TRPC4AP: variants seen among roughly 807,000 people sequenced by gnomAD.
The protein encoded by TRPC4AP is short transient receptor potential channel 4-associated protein.
In TRPC4AP, 45 loss-of-function variants were observed where a neutral mutation model predicts 99.0. That is an observed-to-expected ratio of 0.45 (90% confidence interval 0.36 to 0.58). TRPC4AP has a LOEUF of 0.58. Among genes scored for constraint, TRPC4AP ranks in the 20% least tolerant of loss-of-function variants. The pLI is 0.00. For missense variants in TRPC4AP, 879 were observed against 985.3 expected, an observed-to-expected ratio of 0.89 and a Z score of 1.44; for synonymous variants, 408 against 385.8, an observed-to-expected ratio of 1.06 and a Z score of -0.67.
At chr20:35,010,137 A>C in intron 12 of TRPC4AP, 50 bp downstream of exon 12, 21 of 1,488,916 alleles carry the variant, frequency 1.4e-5, no homozygotes, top group Non-Finnish European at 1.8e-5. Flanking sequence ...CCCCCGGGGA[A>C]CGTGGGCAGC....
chr20:35,041,854 T>C (rs1204297722), intron 7 of TRPC4AP, among the ~76,000 whole-genome samples: 1 of 152,218 alleles, frequency 6.6e-6, no homozygotes, highest in Non-Finnish European at 1.5e-5. Context: ...CTAATCTCTA[T>C]TCCACAGGGC....
At position 35,003,253 on chromosome 20, in the gene TRPC4AP, C is replaced by G. The variant is rs1249264346; in HGVS notation, c.2287G>C (p.Glu763Gln). The stretch of plus-strand genomic sequence containing the variant: ...GGGTTCAACAGGATGGACACTGTCT[C>G]CTTCCAGTATGAGAAGCTGATGCAG... ...SSCISFSYWK[E>Q]TVSILLNPDR... Residue 763 changes from glutamate (E) to glutamine (Q), a missense_variant, in exon 19 of 19, where the codon GAG becomes CAG. By Grantham distance (29) the Glu-to-Gln change is conservative. Transcript: ENST00000252015. The G allele has an allele frequency of 1.2e-6, 2 of 1,614,058 alleles. No individual in the cohort carries two copies. The highest frequency in any genetic ancestry group is 1.7e-6 in the Non-Finnish European group (2 of 1,180,030).
At chr20:35,029,820 T>C (rs902464564) in intron 8 of TRPC4AP, among the ~76,000 whole-genome samples, 4 of 149,082 alleles carry the variant, frequency 2.7e-5, no homozygotes, top group East Asian at 4.0e-4. Context: ...GTATTTTTAG[T>C]AGAGACGGGG....
intron 2 of TRPC4AP, among the ~76,000 whole-genome samples, chr20:35,070,565 T>C (rs956919954): frequency 1.3e-5 from 2 of 152,212 alleles, no homozygotes; most frequent in East Asian, 1.9e-4. Context: ...CGCCCGCCAC[T>C]GCGCCCGGCT....
intron 7 of TRPC4AP, among the ~76,000 whole-genome samples, chr20:35,042,955 T>G (rs1053079725): frequency 7.2e-5 from 11 of 152,216 alleles, no homozygotes; most frequent in African/African-American, 2.4e-4. Flanking sequence ...CCACTTTATG[T>G]TTCTTGTGTA....
chr20:35,074,363 G>A (rs2146004897), intron 2 of TRPC4AP, among the ~76,000 whole-genome samples: 1 of 152,208 alleles, frequency 6.6e-6, no homozygotes, highest in Non-Finnish European at 1.5e-5. Context: ...TGTGATGTTA[G>A]GGTGTCAATT....
chr20:35,030,132 T>C (rs1210124991), intron 8 of TRPC4AP, among the ~76,000 whole-genome samples: 1 of 149,522 alleles, frequency 6.7e-6, no homozygotes, highest in Non-Finnish European at 1.5e-5. Flanking sequence ...TCCCAGCTAC[T>C]AGAGAGGCTG....
chr20:35,073,046 T>C (rs953550109), intron 2 of TRPC4AP, among the ~76,000 whole-genome samples: 4 of 152,222 alleles, frequency 2.6e-5, no homozygotes, highest in South Asian at 2.1e-4. Flanking sequence ...TTTGTAGCAA[T>C]TGTGAATGGG....
At chr20:35,080,346 A>C (rs1412901245) in intron 1 of TRPC4AP, among the ~76,000 whole-genome samples, 1 of 151,874 alleles carries the variant, frequency 6.6e-6, no homozygotes, top group Non-Finnish European at 1.5e-5. Context: ...ACAAAAAAAA[A>C]AAAAATTAGC....
chr20:35,006,232 A>G (rs1167083228), intron 15 of TRPC4AP, among the ~76,000 whole-genome samples: 1 of 151,972 alleles, frequency 6.6e-6, no homozygotes, highest in Admixed American at 6.6e-5. Context: ...CCTACCCACA[A>G]GCAGCCCCGG....
intron 1 of TRPC4AP, among the ~76,000 whole-genome samples, chr20:35,091,327 T>C (rs1430029810): frequency 6.6e-6 from 1 of 152,178 alleles, no homozygotes; most frequent in African/African-American, 2.4e-5. Flanking sequence ...TATGGTTGTG[T>C]GATGGCCAGG....
intron 3 of TRPC4AP, among the ~76,000 whole-genome samples, chr20:35,058,334 T>C (rs1043500524): frequency 6.6e-6 from 1 of 152,184 alleles, no homozygotes; most frequent in Admixed American, 6.5e-5. Flanking sequence ...GAACACTCCA[T>C]GCAGCAAGAA....
chr20:35,072,745 A>G (rs1600644885), intron 2 of TRPC4AP, among the ~76,000 whole-genome samples: 1 of 152,206 alleles, frequency 6.6e-6, no homozygotes, highest in Non-Finnish European at 1.5e-5. Context: ...CTTTTGGCTT[A>G]GGATTGTCTT....
chr20:35,039,104 A>G (rs756897399), intron 7 of TRPC4AP, among the ~76,000 whole-genome samples: 1 of 152,200 alleles, frequency 6.6e-6, no homozygotes, highest in Non-Finnish European at 1.5e-5. Context: ...AACAAAAAAG[A>G]AATAAAAAGA....
chr20:35,035,108 C>G lies in TRPC4AP; in HGVS notation c.1051+15G>C. The G allele has an allele frequency of 6.2e-7, 1 of 1,608,168 alleles. No homozygotes were observed. Among genetic ancestry groups the G allele is most frequent in the South Asian group, 1.1e-5 (1 of 90,430 alleles). On this transcript the variant is annotated intron_variant, in intron 8 of 18. Transcript: ENST00000252015. ...GAAAAGCTCCCGATCACTCAGGGGA[C>G]CCATCCTTCCATACCTTGATTGTGC...
chr20:35,086,129 T>C (rs2084838401), intron 1 of TRPC4AP, among the ~76,000 whole-genome samples: 1 of 151,746 alleles, frequency 6.6e-6, no homozygotes, highest in Admixed American at 6.6e-5. Context: ...GATAATTTTT[T>C]GTATTTTTAG....
chr20:35,025,596 G>C (rs1387627089), intron 8 of TRPC4AP, among the ~76,000 whole-genome samples: 4 of 151,886 alleles, frequency 2.6e-5, no homozygotes, highest in African/African-American at 9.7e-5. Context: ...TCTATATTTT[G>C]AAATGGGTTT....
chr20:35,088,685 G>A (rs1241611719), intron 1 of TRPC4AP, among the ~76,000 whole-genome samples: 3 of 152,188 alleles, frequency 2.0e-5, no homozygotes, highest in Admixed American at 2.0e-4. Context: ...GTTAAGAGAG[G>A]TTAAATAACT....
chr20:35,006,414 A>G lies in TRPC4AP; in HGVS notation c.1827+21T>C, dbSNP rs372827387. On this transcript the variant is annotated intron_variant, in intron 15 of 18. Transcript: ENST00000252015. ...TTCTGGACAACCCAGCACACTCCAC[A>G]GAGCCCTGGGTTAACTTTACCTTTG... is the stretch of plus-strand genomic sequence containing the variant. 8.7e-6 allele frequency: 14 copies of G among 1,612,676 alleles called. No individual in the cohort carries two copies. In the African/African-American group the frequency reaches 1.6e-4, roughly 18 times the overall value.
Sources: allele counts gnomAD v4.1 joint callset (sites outside exome capture counted in the v4.1 genomes callset), GRCh38; gene constraint gnomAD v4.1.1; transcripts MANE v1.5; gene names NCBI Gene and HGNC (gene_info 2026-07-23, HGNC 2026-07-21).